Variants in SLC3A1 observed in about 807,000 individuals in gnomAD.
The protein encoded by SLC3A1 is amino acid transporter heavy chain SLC3A1.
Under a neutral mutation model 60.3 loss-of-function variants are expected in SLC3A1, and 78 were observed. The observed-to-expected ratio is 1.29, with a 90% CI of 1.08 to 1.56. SLC3A1 has a LOEUF of 1.56. SLC3A1 is among the 40% of genes most tolerant of loss of function. SLC3A1 has a pLI of 0.00. For synonymous variants in SLC3A1, 392 were observed against 307.9 expected, an observed-to-expected ratio of 1.27 and a Z score of -2.86; for missense variants, 1,172 against 858.9, an observed-to-expected ratio of 1.36 and a Z score of -4.56.
chr2:44,320,665 C>T lies in SLC3A1; in HGVS notation c.*26C>T, dbSNP rs750087384. 1.3e-6 allele frequency: 2 copies of T among 1,571,756 alleles called. No individual in the cohort carries two copies. Among genetic ancestry groups the T allele is most frequent in the Non-Finnish European group, 1.8e-6 (2 of 1,141,666 alleles). ...GCACCTTTATGAAGAGATGAAGACACTGGCATTTCAGTGGGATTGTAAGCA... is the reference window on the plus strand; with the variant it reads ...GCACCTTTATGAAGAGATGAAGACATTGGCATTTCAGTGGGATTGTAAGCA... On this transcript the variant is annotated 3_prime_UTR_variant, in exon 10 of 10. Transcript: ENST00000260649.
chr2:44,314,141 A>T, intron 9 of SLC3A1, 190 bp downstream of exon 9: 1 of 1,373,208 alleles, frequency 7.3e-7, no homozygotes, highest in Non-Finnish European at 9.9e-7. Context: ...AACTGGTACA[A>T]ATCTACCAAG....
At chr2:44,294,102 G>A (rs1028994991) in intron 4 of SLC3A1, among the ~76,000 whole-genome samples, 1 of 152,120 alleles carries the variant, frequency 6.6e-6, no homozygotes, top group Non-Finnish European at 1.5e-5. Flanking sequence ...AGACAGAGAA[G>A]GGAGACAAAC....
In SLC3A1 at chr2:44,294,469, C is replaced by T. The variant is rs149224354; in HGVS notation, c.892-5502C>T. The stretch of plus-strand genomic sequence containing the variant: ...GCAGAGCTGAGATCACACCACTGTA[C>T]GCCAGCCTGGGTGACAGAGTGAGAC... On this transcript the variant is annotated intron_variant, in intron 4 of 9. Coordinates refer to ENST00000260649, the MANE Select transcript of SLC3A1 (RefSeq NM_000341.4). Among the ~76,000 whole-genome samples the T allele has an allele frequency of 1.6e-3, 238 of 149,574 alleles. 1 individual carries two copies. The highest frequency in any genetic ancestry group is 5.6e-3 in the African/African-American group (225 of 40,422).
At chr2:44,312,796 C>T (rs1233723603) in intron 8 of SLC3A1, 43 bp downstream of exon 8, 4 of 1,535,870 alleles carry the variant, frequency 2.6e-6, no homozygotes, top group Non-Finnish European at 2.7e-6. Context: ...GCTATAAAAC[C>T]AAGTATTCAT....
At position 44,320,996 on chromosome 2, in the gene SLC3A1, G is replaced by C. The variant is rs888928377; in HGVS notation, c.*357G>C. The C allele has an allele frequency of 1.8e-5, 7 of 387,322 alleles. No individual in the cohort carries two copies. Among genetic ancestry groups the C allele is most frequent in the Non-Finnish European group, 3.3e-5 (7 of 210,826 alleles). 24.0% of individuals were successfully genotyped at this position (387,322 alleles called of 1,614,324 possible). The stretch of plus-strand genomic sequence containing the variant: ...TTAGAGGATGACTCACTGCCACAGT[G>C]TCTAAAAGCATTTGCTAGCAAAGAG... On this transcript the variant is annotated 3_prime_UTR_variant, in exon 10 of 10. Transcript: ENST00000260649.
downstream of SLC3A1, chr2:44,321,942 G>C (rs1673002160): frequency 6.4e-7 from 1 of 1,568,156 alleles, no homozygotes. Flanking sequence ...GATTGTATGG[G>C]ATCTTCTTTG....
chr2:44,314,883 A>G (rs965372734), intron 9 of SLC3A1: 6 of 151,110 alleles, frequency 4.0e-5, no homozygotes, highest in Non-Finnish European at 7.4e-5. Flanking sequence ...ATAAAAATGC[A>G]TACCAGCAAA....
At chr2:44,279,832 G>C (rs35627501) in intron 1 of SLC3A1, among the ~76,000 whole-genome samples, 80,473 of 151,884 alleles carry the variant, frequency 0.53, 21,860 homozygotes, top group Non-Finnish European at 0.6. Context: ...CAAAGTGCTG[G>C]GATTACAGGC....
intron 4 of SLC3A1, among the ~76,000 whole-genome samples, chr2:44,295,560 C>G (rs1671829815): frequency 6.6e-6 from 1 of 152,180 alleles, no homozygotes; most frequent in African/African-American, 2.4e-5. Flanking sequence ...TCTGAATTAT[C>G]AGCATTTAAA....
intron 4 of SLC3A1, among the ~76,000 whole-genome samples, chr2:44,289,255 G>T (rs1671684473): frequency 6.6e-6 from 1 of 150,400 alleles, no homozygotes; most frequent in Non-Finnish European, 1.5e-5. Flanking sequence ...CTGTTACCCA[G>T]GCTGGAGTGC....
intron 7 of SLC3A1, among the ~76,000 whole-genome samples, chr2:44,310,645 T>G (rs567565504): frequency 6.6e-6 from 1 of 152,310 alleles, no homozygotes; most frequent in East Asian, 1.9e-4. Context: ...ATTGAGGTTC[T>G]TAGATACACA....
chr2:44,298,882 A>G (rs950924825), intron 4 of SLC3A1, among the ~76,000 whole-genome samples: 2 of 152,186 alleles, frequency 1.3e-5, no homozygotes, highest in Non-Finnish European at 2.9e-5. Flanking sequence ...CAGTCATACA[A>G]TAATTGGGTT....
intron 4 of SLC3A1, among the ~76,000 whole-genome samples, chr2:44,288,876 C>A (rs1040901346): frequency 6.6e-6 from 1 of 151,958 alleles, no homozygotes; most frequent in African/African-American, 2.4e-5. Flanking sequence ...ACTCTGTCAC[C>A]CAGGCTGGAG....
intron 4 of SLC3A1, among the ~76,000 whole-genome samples, chr2:44,293,415 G>T (rs1001818311): frequency 1.3e-5 from 2 of 152,074 alleles, no homozygotes; most frequent in Non-Finnish European, 2.9e-5. Context: ...TACTTGGGAC[G>T]CTGAGGCAGG....
intron 6 of SLC3A1, chr2:44,303,920 T>C: frequency 3.2e-6 from 2 of 620,902 alleles, no homozygotes; most frequent in East Asian, 2.7e-5. Context: ...TCATCCTTTT[T>C]TATGGCTGCA....
Position 44,321,190 on chromosome 2 carries a change from T to C in SLC3A1, c.*551T>C. On this transcript the variant is annotated 3_prime_UTR_variant, in exon 10 of 10. Coordinates refer to ENST00000260649, the MANE Select transcript of SLC3A1 (RefSeq NM_000341.4). Reference sequence around the variant, plus strand: ...ATGTGCATCAATGGAGAGAATAGTATAAGCAAGTGAGATGTAGACTAAGCA... The same window carrying C: ...ATGTGCATCAATGGAGAGAATAGTACAAGCAAGTGAGATGTAGACTAAGCA... 1.6e-6 allele frequency: 1 copy of C among 627,482 alleles called. No homozygotes were observed. 38.9% of individuals were successfully genotyped at this position (627,482 alleles called of 1,614,324 possible).
At chr2:44,312,800 T>C in intron 8 of SLC3A1, 47 bp downstream of exon 8, 1 of 1,528,060 alleles carries the variant, frequency 6.5e-7, no homozygotes, top group Admixed American at 1.7e-5. Context: ...TAAAACCAAG[T>C]ATTCATTTTT....
chr2:44,301,768 A>C (rs1258687616), intron 6 of SLC3A1, among the ~76,000 whole-genome samples: 1 of 151,638 alleles, frequency 6.6e-6, no homozygotes, highest in African/African-American at 2.4e-5. Context: ...AACCAAAAAA[A>C]CAAAACCAGC....
intron 9 of SLC3A1, chr2:44,319,318 G>A (rs1465331788): frequency 6.6e-6 from 1 of 152,454 alleles, no homozygotes; most frequent in Non-Finnish European, 1.5e-5. Context: ...TTGGCATTAT[G>A]TATCAAGTGC....
Sources: gnomAD v4.1 joint callset for allele counts (sites outside exome capture counted in the v4.1 genomes callset) on GRCh38, gnomAD v4.1.1 for gene constraint, MANE v1.5 for transcripts, NCBI Gene and HGNC (gene_info 2026-07-23, HGNC 2026-07-21) for gene names.